GNAQ: variants seen among roughly 807,000 people sequenced by gnomAD.
GNAQ encodes the protein G protein subunit alpha q, also known as guanine nucleotide-binding protein G(q) subunit alpha.
GNAQ carries 8 observed loss-of-function variants against 43.9 expected under a neutral mutation model. The observed-to-expected ratio is 0.18, with a 90% CI of 0.11 to 0.33. GNAQ has a LOEUF of 0.33. GNAQ is among the 10% of genes least tolerant of loss of function. GNAQ has a pLI of 1.00. For synonymous variants in GNAQ, 155 were observed against 170.7 expected, an observed-to-expected ratio of 0.91 and a Z score of 0.71; for missense variants, 158 against 450.8, an observed-to-expected ratio of 0.35 and a Z score of 5.88.
chr9:77,823,327 TA>T (rs1237463257), intron 2 of GNAQ, among the ~76,000 whole-genome samples: 1 of 152,148 alleles, frequency 6.6e-6, no homozygotes, highest in African/African-American at 2.4e-5. Context: ...TTTGTCACTT[TA>T]AATAAAGACC....
rs759286860 is a variant in GNAQ, at chr9:77,768,304, C to T, written c.735+26159G>A. Among the ~76,000 whole-genome samples, 170 of 152,152 alleles carry T rather than the reference C, an allele frequency of 1.1e-3. 1 individual carries two copies. Among genetic ancestry groups the T allele is most frequent in the Non-Finnish European group, 7.1e-4 (48 of 68,026 alleles). ...CCCCAAATACTCTAATCTCTTTGGGCCTCAATTCTCTCAACTGTAAAAGAT... is the reference window on the plus strand; with the variant it reads ...CCCCAAATACTCTAATCTCTTTGGGTCTCAATTCTCTCAACTGTAAAAGAT... On this transcript the variant is annotated intron_variant, in intron 5 of 6. Coordinates refer to ENST00000286548, the MANE Select transcript of GNAQ (RefSeq NM_002072.5).
intron 2 of GNAQ, among the ~76,000 whole-genome samples, chr9:77,827,125 T>C (rs1827209980): frequency 7.3e-6 from 1 of 137,626 alleles, no homozygotes; most frequent in Non-Finnish European, 1.6e-5. Flanking sequence ...ATAGAAAAGG[T>C]TTTTTTTTCT....
intron 2 of GNAQ, among the ~76,000 whole-genome samples, chr9:77,863,877 A>G (rs898491929): frequency 6.6e-6 from 1 of 152,180 alleles, no homozygotes; most frequent in Non-Finnish European, 1.5e-5. Flanking sequence ...GAGAATAGCA[A>G]GGGAAAGACC....
chr9:77,773,298 A>C (rs916810277), intron 5 of GNAQ, among the ~76,000 whole-genome samples: 1 of 152,254 alleles, frequency 6.6e-6, no homozygotes, highest in African/African-American at 2.4e-5. Context: ...TTAGCCATAG[A>C]TGATAATGTT....
At chr9:77,962,615 C>A (rs1379717462) in intron 1 of GNAQ, among the ~76,000 whole-genome samples, 1 of 152,070 alleles carries the variant, frequency 6.6e-6, no homozygotes, top group Non-Finnish European at 1.5e-5. Context: ...GAAGGCCAGG[C>A]ACAGAGACTC....
intron 2 of GNAQ, among the ~76,000 whole-genome samples, chr9:77,871,541 G>A (rs983992005): frequency 2.6e-5 from 4 of 152,144 alleles, no homozygotes; most frequent in African/African-American, 9.7e-5. Flanking sequence ...ATCTCGGAGA[G>A]ATCCTCAACA....
intron 3 of GNAQ, among the ~76,000 whole-genome samples, chr9:77,812,345 T>C (rs1416619258): frequency 2.6e-5 from 4 of 152,212 alleles, no homozygotes; most frequent in Admixed American, 6.5e-5. Flanking sequence ...ATGGTAAATC[T>C]TACCTTCATC....
At chr9:77,990,704 G>GT (rs1472761347) in intron 1 of GNAQ, among the ~76,000 whole-genome samples, 1 of 152,204 alleles carries the variant, frequency 6.6e-6, no homozygotes, top group Non-Finnish European at 1.5e-5. Flanking sequence ...AGACAATAGC[G>GT]TAAGTATAAA....
chr9:77,925,992 GTAT>G (rs1829067736), intron 1 of GNAQ, among the ~76,000 whole-genome samples: 1 of 152,102 alleles, frequency 6.6e-6, no homozygotes, highest in East Asian at 1.9e-4. Context: ...ATTGTCATTT[GTAT>G]TATTTTTACT....
At chr9:78,018,177 C>G (rs931145098) in intron 1 of GNAQ, among the ~76,000 whole-genome samples, 2 of 140,892 alleles carry the variant, frequency 1.4e-5, no homozygotes, top group Non-Finnish European at 3.1e-5. Flanking sequence ...CCTAAATGTA[C>G]AAAAAAAAAA....
chr9:77,850,580 C>T (rs572364521), intron 2 of GNAQ, among the ~76,000 whole-genome samples: 1 of 152,310 alleles, frequency 6.6e-6, no homozygotes, highest in South Asian at 2.1e-4. Flanking sequence ...CACAGCTCCA[C>T]ACGATTTACA....
chr9:77,994,063 C>G (rs890759684), intron 1 of GNAQ, among the ~76,000 whole-genome samples: 1 of 152,170 alleles, frequency 6.6e-6, no homozygotes, highest in African/African-American at 2.4e-5. Context: ...GTTGCCCAGG[C>G]TGGAGTGTAG....
intron 2 of GNAQ, among the ~76,000 whole-genome samples, chr9:77,897,827 C>T (rs1304161970): frequency 6.6e-6 from 1 of 152,004 alleles, no homozygotes; most frequent in Non-Finnish European, 1.5e-5. Context: ...TGCCCCACTC[C>T]CTGCTCCCCC....
At chr9:77,924,420 A>G (rs1829039956) in intron 1 of GNAQ, among the ~76,000 whole-genome samples, 1 of 152,218 alleles carries the variant, frequency 6.6e-6, no homozygotes, top group Admixed American at 6.5e-5. Flanking sequence ...GTTTGCTCTG[A>G]AGGCCCAAGT....
At chr9:77,894,053 T>C (rs1026832098) in intron 2 of GNAQ, among the ~76,000 whole-genome samples, 2 of 151,958 alleles carry the variant, frequency 1.3e-5, no homozygotes, top group Admixed American at 6.6e-5. Context: ...TCCCCCATTT[T>C]AGAGGTGAGG....
intron 5 of GNAQ, among the ~76,000 whole-genome samples, chr9:77,775,717 C>T (rs573657661): frequency 6.6e-6 from 1 of 152,134 alleles, no homozygotes; most frequent in Non-Finnish European, 1.5e-5. Context: ...CTCTTTTTAT[C>T]TTTGCCATTC....
At chr9:77,755,567 T>C (rs1239579579) in intron 5 of GNAQ, among the ~76,000 whole-genome samples, 1 of 152,226 alleles carries the variant, frequency 6.6e-6, no homozygotes, top group Non-Finnish European at 1.5e-5. Context: ...GGTAAGAACA[T>C]GTTTGTGCAT....
intron 5 of GNAQ, among the ~76,000 whole-genome samples, chr9:77,769,994 T>G (rs74304785): frequency 0.084 from 12,810 of 152,070 alleles, 1,151 homozygotes; most frequent in East Asian, 0.23. Context: ...GGGGATTGTG[T>G]ATTTGGGTAA....
intron 2 of GNAQ, among the ~76,000 whole-genome samples, chr9:77,918,909 G>A (rs1828955964): frequency 6.6e-6 from 1 of 152,122 alleles, no homozygotes; most frequent in Admixed American, 6.6e-5. Context: ...ACTCTCAATT[G>A]TTAAGCTCAC....
Sources: gnomAD v4.1 joint callset for allele counts (sites outside exome capture counted in the v4.1 genomes callset) on GRCh38, gnomAD v4.1.1 for gene constraint, MANE v1.5 for transcripts, NCBI Gene and HGNC (gene_info 2026-07-23, HGNC 2026-07-21) for gene names.